CPN1: variants seen among roughly 807,000 people sequenced by gnomAD.
CPN1 encodes the protein carboxypeptidase N subunit 1, also known as carboxypeptidase N catalytic chain.
CPN1 carries 37 observed loss-of-function variants against 46.4 expected under a neutral mutation model. The observed-to-expected ratio is 0.80, with a 90% CI of 0.61 to 1.05. CPN1 has a LOEUF of 1.05. Ranked by LOEUF, CPN1 falls within the 50% of genes least tolerant of loss-of-function variation. CPN1 has a pLI of 0.00. For missense variants in CPN1, 563 were observed against 602.6 expected, an observed-to-expected ratio of 0.93 and a Z score of 0.69; for synonymous variants, 224 against 235.4, an observed-to-expected ratio of 0.95 and a Z score of 0.44.
chr10:100,049,107 T>A (rs1437441190), intron 7 of CPN1, among the ~76,000 whole-genome samples: 1 of 149,714 alleles, frequency 6.7e-6, no homozygotes, highest in Non-Finnish European at 1.5e-5. Flanking sequence ...TACAGGTGCG[T>A]GCCACCATGC....
In CPN1 at chr10:100,081,483, ACCCGCGTGATGCCGGGGCATT is replaced by A. The variant is rs755504443; in HGVS notation, c.122_142del (p.Glu41_Arg47del). ...CTCCACGCTGCGCCCAATGCTGTAG[ACCCGCGTGATGCCGGGGCATT>A]CGTTTTGCACCTTGTACAGCGTCCG... On this transcript the variant is annotated inframe_deletion, in exon 1 of 9. Coordinates refer to ENST00000370418, the MANE Select transcript of CPN1 (RefSeq NM_001308.3). 1.9e-6 allele frequency: 3 copies of A among 1,614,052 alleles called. No homozygotes were observed. The highest frequency in any genetic ancestry group is 1.7e-6 in the Non-Finnish European group (2 of 1,180,026).
At chr10:100,064,182 A>G (rs571603871) in intron 4 of CPN1, among the ~76,000 whole-genome samples, 76 of 152,204 alleles carry the variant, frequency 5.0e-4, no homozygotes, top group African/African-American at 1.7e-3. Flanking sequence ...TTAGGGGGTG[A>G]GAGTCGTGCG....
At chr10:100,072,300 T>A (rs1318079652) in intron 2 of CPN1, among the ~76,000 whole-genome samples, 1 of 152,074 alleles carries the variant, frequency 6.6e-6, no homozygotes, top group Non-Finnish European at 1.5e-5. Flanking sequence ...CTCAGCCTCC[T>A]GGTAGCTGGT....
chr10:100,044,360 G>A lies in CPN1; in HGVS notation c.1231-1787C>T, dbSNP rs138711814. On this transcript the variant is annotated intron_variant, in intron 8 of 8. Transcript: ENST00000370418. ...AAAAGCAAAGAAAACACTGGGCCCC[G>A]GAAGATATTTTATTTCATTTTATTT... Among the ~76,000 whole-genome samples the A allele has an allele frequency of 6.6e-5, 10 of 152,048 alleles. No individual in the cohort carries two copies. In the East Asian group the frequency reaches 7.7e-4, roughly 12 times the overall value.
At chr10:100,052,095 G>C (rs1325177303) in intron 7 of CPN1, among the ~76,000 whole-genome samples, 1 of 145,550 alleles carries the variant, frequency 6.9e-6, no homozygotes, top group East Asian at 2.0e-4. Context: ...TTTTGAGACA[G>C]AGTCTCACTC....
chr10:100,043,166 C>T (rs576684423), intron 8 of CPN1, among the ~76,000 whole-genome samples: 4 of 149,830 alleles, frequency 2.7e-5, no homozygotes, highest in Non-Finnish European at 4.4e-5. Context: ...GAGGCTGAGG[C>T]GGGCAGATCA....
rs146812654 is a variant in CPN1 at position 100,076,009 on chromosome 10, G to A, written c.322C>T (p.Arg108Trp). The A allele has an allele frequency of 4.5e-5, 72 of 1,614,104 alleles. 1 individual carries two copies. The Admixed American group carries it at 7.7e-4, about 17-fold the overall frequency. ...TGGACGATGCGCTGGTTCCTGTTCCGGAACTCCTCGCACAGAAACTCCGAC... is the reference window on the plus strand; with the variant it reads ...TGGACGATGCGCTGGTTCCTGTTCCAGAACTCCTCGCACAGAAACTCCGAC... ...QLSEFLCEEF[R>W]NRNQRIVQLI... The change falls in exon 2 of 9, where the codon CGG becomes TGG. Residue 108 changes from arginine (R) to tryptophan (W), a missense_variant. Transcript: ENST00000370418.
In CPN1 at chr10:100,048,015, T is replaced by C. The variant is rs554143748; in HGVS notation, c.1230+743A>G. 1.1e-3 allele frequency among the ~76,000 whole-genome samples: 171 copies of C among 152,014 alleles called. 1 individual carries two copies. The highest frequency in any genetic ancestry group is 7.7e-3 in the South Asian group (37 of 4,816). On this transcript the variant is annotated intron_variant, in intron 8 of 8. Transcript: ENST00000370418. ...CTCAAAATAACAATAATAATTATAATAATAAAATAAAATAAAAATAAATTG... is the reference window on the plus strand; with the variant it reads ...CTCAAAATAACAATAATAATTATAACAATAAAATAAAATAAAAATAAATTG...
intron 6 of CPN1, among the ~76,000 whole-genome samples, chr10:100,055,418 A>G (rs2041379962): frequency 6.7e-6 from 1 of 150,096 alleles, no homozygotes; most frequent in Non-Finnish European, 1.5e-5. Flanking sequence ...TGACTACTCT[A>G]AGTACCTAAT....
Position 100,068,650 on chromosome 10 carries a change from G to T in CPN1, c.576+1064C>A, listed in dbSNP as rs371782472. On this transcript the variant is annotated intron_variant, in intron 3 of 8. Coordinates refer to ENST00000370418, the MANE Select transcript of CPN1 (RefSeq NM_001308.3). ...ACCTTGAACTCTTAAACTCCTTCAAGGGATCCTCCCAAATAGCTAAGTCTA... is the reference window on the plus strand; with the variant it reads ...ACCTTGAACTCTTAAACTCCTTCAATGGATCCTCCCAAATAGCTAAGTCTA... Among the ~76,000 whole-genome samples the T allele has an allele frequency of 1.4e-4, 21 of 152,242 alleles. No individual in the cohort carries two copies. In the South Asian group the frequency reaches 4.3e-3, roughly 32 times the overall value.
intron 2 of CPN1, among the ~76,000 whole-genome samples, chr10:100,070,656 C>T (rs796262073): frequency 3.9e-5 from 6 of 152,228 alleles, no homozygotes; most frequent in African/African-American, 1.4e-4. Context: ...TCTACTTTGA[C>T]TTATCCAAAG....
chr10:100,069,601 A>G (rs1344900366), intron 3 of CPN1, 113 bp downstream of exon 3: 21 of 1,242,788 alleles, frequency 1.7e-5, no homozygotes, highest in Non-Finnish European at 2.5e-5. Flanking sequence ...TACTGAGTTG[A>G]GTTGATGCTT....
chr10:100,042,395 C>G lies in CPN1; in HGVS notation c.*32G>C, dbSNP rs770200389. 6.2e-7 allele frequency: 1 copy of G among 1,612,124 alleles called. No individual in the cohort carries two copies. Among genetic ancestry groups the G allele is most frequent in the Non-Finnish European group, 8.5e-7 (1 of 1,179,812 alleles). ...ATCTGATCTGAGAGCAGGAGCAAAG[C>G]CTTTCTGAAGGGTTGCCTGGCACTG... On this transcript the variant is annotated 3_prime_UTR_variant, in exon 9 of 9. Coordinates refer to ENST00000370418, the MANE Select transcript of CPN1 (RefSeq NM_001308.3).
chr10:100,052,074 ATT>A (rs574139639), intron 7 of CPN1, among the ~76,000 whole-genome samples: 3 of 132,844 alleles, frequency 2.3e-5, no homozygotes, highest in African/African-American at 2.8e-5. Flanking sequence ...CACCCAGCTA[ATT>A]TTTTTTTTTT....
intron 7 of CPN1, 52 bp from the exon 8 acceptor site, chr10:100,048,928 A>T: frequency 7.1e-7 from 1 of 1,411,332 alleles, no homozygotes; most frequent in Non-Finnish European, 1.0e-6. Flanking sequence ...TCTGTCCCAA[A>T]TAAGCTAGGG....
intron 3 of CPN1, among the ~76,000 whole-genome samples, chr10:100,067,588 C>T (rs2041461521): frequency 6.6e-6 from 1 of 152,152 alleles, no homozygotes; most frequent in Non-Finnish European, 1.5e-5. Context: ...CTTTTCTTTC[C>T]CCAGTCTCTA....
At chr10:100,057,585 A>AG (rs1011627842) in intron 5 of CPN1, among the ~76,000 whole-genome samples, 1 of 152,098 alleles carries the variant, frequency 6.6e-6, no homozygotes, top group African/African-American at 2.4e-5. Flanking sequence ...GGGACCAGTA[A>AG]GGGGGGAAAT....
chr10:100,049,114 A>G (rs1244665125), intron 7 of CPN1, among the ~76,000 whole-genome samples: 2 of 151,918 alleles, frequency 1.3e-5, no homozygotes, highest in Admixed American at 1.3e-4. Flanking sequence ...GCGTGCCACC[A>G]TGCTCAGCTA....
At chr10:100,048,002 A>G (rs1449145030) in intron 8 of CPN1, among the ~76,000 whole-genome samples, 1 of 151,974 alleles carries the variant, frequency 6.6e-6, no homozygotes, top group Non-Finnish European at 1.5e-5. Flanking sequence ...CAAAATAACA[A>G]TAATAATTAT....
Sources: allele counts gnomAD v4.1 joint callset (sites outside exome capture counted in the v4.1 genomes callset), GRCh38; gene constraint gnomAD v4.1.1; transcripts MANE v1.5; gene names NCBI Gene and HGNC (gene_info 2026-07-23, HGNC 2026-07-21).